The following ARMH3 variants were observed in gnomAD, a reference collection of about 807,000 sequenced individuals.
The protein encoded by ARMH3 is armadillo-like helical domain-containing protein 3.
In ARMH3, 60 loss-of-function variants were observed where a neutral mutation model predicts 99.1. The ratio of observed to expected loss-of-function variants is 0.61; its 90% CI spans 0.49 to 0.75. ARMH3 has a LOEUF of 0.75. Ranked by LOEUF, ARMH3 falls within the 30% of genes least tolerant of loss-of-function variation. The pLI, the probability that ARMH3 is intolerant of heterozygous loss-of-function variation, is 0.00. For synonymous variants in ARMH3, 285 were observed against 292.8 expected, an observed-to-expected ratio of 0.97 and a Z score of 0.27; for missense variants, 679 against 843.1, an observed-to-expected ratio of 0.81 and a Z score of 2.41.
chr10:102,033,486 C>T (rs1387932778), intron 2 of ARMH3, 147 bp from the exon 3 acceptor site: 7 of 837,172 alleles, frequency 8.4e-6, no homozygotes, highest in Non-Finnish European at 8.9e-6. Context: ...GGCGTGATCT[C>T]GGCTCACTGC....
chr10:101,903,222 T>C (rs528497285), intron 23 of ARMH3, among the ~76,000 whole-genome samples: 1 of 152,348 alleles, frequency 6.6e-6, no homozygotes, highest in East Asian at 1.9e-4. Flanking sequence ...AAGGAATCTC[T>C]GTCCCTAGAA....
chr10:102,019,455 CAGAGGAA>C (rs1253654345), intron 8 of ARMH3, among the ~76,000 whole-genome samples: 2 of 151,738 alleles, frequency 1.3e-5, no homozygotes, highest in African/African-American at 4.8e-5. Context: ...GCAGGTATTC[CAGAGGAA>C]GGCATTATTA....
chr10:101,883,467 T>C (rs1263584033), intron 24 of ARMH3, among the ~76,000 whole-genome samples: 2 of 151,750 alleles, frequency 1.3e-5, no homozygotes, highest in African/African-American at 2.4e-5. Context: ...TCTAAGAGTG[T>C]CAGATAGGAT....
At chr10:101,925,953 A>T (rs575325109) in intron 23 of ARMH3, among the ~76,000 whole-genome samples, 2 of 152,272 alleles carry the variant, frequency 1.3e-5, no homozygotes, top group East Asian at 3.9e-4. Context: ...ATGGTCTGGA[A>T]CCTAAAGTAT....
intron 14 of ARMH3, among the ~76,000 whole-genome samples, chr10:102,004,316 G>A (rs1213194833): frequency 1.3e-5 from 2 of 152,132 alleles, no homozygotes; most frequent in African/African-American, 4.8e-5. Context: ...AAATGAGTTA[G>A]GAGACAGGGA....
intron 24 of ARMH3, among the ~76,000 whole-genome samples, chr10:101,876,734 G>A (rs560783586): frequency 9.2e-5 from 14 of 152,138 alleles, no homozygotes; most frequent in Non-Finnish European, 1.5e-4. Context: ...GCCACTTCCT[G>A]AGGGAAGATG....
At chr10:101,904,610 C>G (rs889870265) in intron 23 of ARMH3, among the ~76,000 whole-genome samples, 14 of 151,850 alleles carry the variant, frequency 9.2e-5, no homozygotes, top group African/African-American at 3.4e-4. Flanking sequence ...TCCTGTTACT[C>G]TGGAGGGAAT....
At chr10:101,882,131 C>G (rs1021464898) in intron 24 of ARMH3, among the ~76,000 whole-genome samples, 1 of 152,174 alleles carries the variant, frequency 6.6e-6, no homozygotes, top group Non-Finnish European at 1.5e-5. Flanking sequence ...ATACTGATAG[C>G]TGAATGAAGG....
At chr10:101,851,849 T>C (rs1003019197) in intron 24 of ARMH3, among the ~76,000 whole-genome samples, 2 of 152,216 alleles carry the variant, frequency 1.3e-5, no homozygotes, top group Non-Finnish European at 2.9e-5. Flanking sequence ...TATAGGCTGG[T>C]TCCTCTGCTT....
At chr10:101,977,135 A>AC (rs1402925263) in intron 19 of ARMH3, among the ~76,000 whole-genome samples, 2 of 152,246 alleles carry the variant, frequency 1.3e-5, no homozygotes, top group Non-Finnish European at 2.9e-5. Context: ...ACACAAAAAA[A>AC]TATAGAACTT....
intron 23 of ARMH3, among the ~76,000 whole-genome samples, chr10:101,914,683 T>C (rs1233722129): frequency 4.6e-5 from 7 of 150,912 alleles, no homozygotes; most frequent in Admixed American, 4.0e-4. Flanking sequence ...CTGGCCAACA[T>C]GGTGAAACCC....
intron 1 of ARMH3, among the ~76,000 whole-genome samples, chr10:102,043,419 C>T (rs953193730): frequency 6.6e-6 from 1 of 152,146 alleles, no homozygotes; most frequent in African/African-American, 2.4e-5. Context: ...CACCTAAAGC[C>T]CTAGTTTAGG....
chr10:101,904,556 G>A (rs2068057765), intron 23 of ARMH3, among the ~76,000 whole-genome samples: 1 of 152,078 alleles, frequency 6.6e-6, no homozygotes, highest in African/African-American at 2.4e-5. Flanking sequence ...GGCTTTAGTT[G>A]TCTCAAAGCC....
In ARMH3 at chr10:101,875,999, A is replaced by G. The variant is rs1250877959; in HGVS notation, c.1860+13413T>C. ...CGCAGTGGTTCACGCCTGTAATCCC[A>G]ACACTTTAGGAGGCCGAGTCGGGCA... On this transcript the variant is annotated intron_variant, in intron 24 of 25. Coordinates refer to ENST00000370033, the MANE Select transcript of ARMH3 (RefSeq NM_024541.3). Among the ~76,000 whole-genome samples the G allele has an allele frequency of 7.9e-5, 12 of 152,238 alleles. No homozygotes were observed. In the South Asian group the frequency reaches 1.5e-3, roughly 18 times the overall value.
At chr10:101,887,733 G>A (rs1200481526) in intron 24 of ARMH3, among the ~76,000 whole-genome samples, 1 of 151,274 alleles carries the variant, frequency 6.6e-6, no homozygotes, top group South Asian at 2.1e-4. Context: ...GCACCCAGCA[G>A]GTATACAATT....
rs768375919 is a variant in ARMH3, at chr10:102,009,977, T to C, written c.878A>G (p.Gln293Arg). The change falls in exon 12 of 26, where the codon CAA becomes CGA. Residue 293 changes from glutamine (Q) to arginine (R), a missense_variant and splice_region_variant. Physicochemically the swap from Gln to Arg is conservative, Grantham distance 43. Around this residue, in one of 3 missense-constraint regions of ARMH3, gnomAD observed 280 missense variants for 354.6 expected, o/e 0.79. Coordinates refer to ENST00000370033, the MANE Select transcript of ARMH3 (RefSeq NM_024541.3). ...CTGCACAAGAATGTCAGGCACTTAC[T>C]GTACTGAGATTTTCTCATGGGCATC... Reference protein sequence around the residue: ...IADAHEKISVQTNEAILLALY... With the variant: ...IADAHEKISVRTNEAILLALY... 2.0e-5 allele frequency: 32 copies of C among 1,613,736 alleles called. No individual in the cohort carries two copies. Among genetic ancestry groups the C allele is most frequent in the Middle Eastern group, 1.6e-4 (1 of 6,078 alleles).
At chr10:101,901,336 C>T (rs1266509671) in intron 23 of ARMH3, among the ~76,000 whole-genome samples, 1 of 151,730 alleles carries the variant, frequency 6.6e-6, no homozygotes, top group Non-Finnish European at 1.5e-5. Context: ...CGGAAACAGG[C>T]TTATACTCCA....
At chr10:102,049,348 C>T (rs1453705774) in intron 1 of ARMH3, among the ~76,000 whole-genome samples, 4 of 152,090 alleles carry the variant, frequency 2.6e-5, no homozygotes, top group Admixed American at 6.6e-5. Context: ...TCCAGACCAG[C>T]CTGGCCAACA....
At chr10:101,850,249 C>T (rs921388332) in intron 24 of ARMH3, among the ~76,000 whole-genome samples, 2 of 151,574 alleles carry the variant, frequency 1.3e-5, no homozygotes, top group Non-Finnish European at 2.9e-5. Context: ...AGGGGCACAT[C>T]ACCACACCTG....
Sources: gnomAD v4.1 joint callset for allele counts (sites outside exome capture counted in the v4.1 genomes callset) on GRCh38, gnomAD v4.1.1 for gene constraint, gnomAD v4.1.1 regional missense constraint, MANE v1.5 for transcripts, NCBI Gene and HGNC (gene_info 2026-07-23, HGNC 2026-07-21) for gene names.